DEUP1: variants seen among roughly 807,000 people sequenced by gnomAD.
DEUP1 encodes the protein deuterosome assembly protein 1.
Under a neutral mutation model 87.4 loss-of-function variants are expected in DEUP1, and 82 were observed. The observed-to-expected ratio is 0.94, with a 90% CI of 0.78 to 1.13. The LOEUF (loss-of-function observed/expected upper bound fraction) is 1.13. Ranked by LOEUF, DEUP1 falls within the 50% of genes most tolerant of loss-of-function variation. The pLI, the probability that DEUP1 is intolerant of heterozygous loss-of-function variation, is 0.00. For synonymous variants in DEUP1, 214 were observed against 222.7 expected (o/e 0.96, Z 0.35); for missense variants, 663 against 681.5 (o/e 0.97, Z 0.30).
At chr11:93,378,950 C>G (rs1042985225) in intron 7 of DEUP1, among the ~76,000 whole-genome samples, 5 of 148,048 alleles carry the variant, frequency 3.4e-5, no homozygotes, top group African/African-American at 1.3e-4. Context: ...CCTGCTTTTT[C>G]TCTTCTTTAA....
intron 11 of DEUP1, among the ~76,000 whole-genome samples, 153 bp from the exon 12 acceptor site, chr11:93,408,078 G>C (rs909934437): frequency 6.6e-6 from 1 of 151,992 alleles, no homozygotes; most frequent in Non-Finnish European, 1.5e-5. Flanking sequence ...AGGTGAGGGG[G>C]TGGAAAGGAG....
intron 12 of DEUP1, among the ~76,000 whole-genome samples, chr11:93,410,509 T>C (rs1031941160): frequency 1.3e-5 from 2 of 152,150 alleles, no homozygotes; most frequent in Admixed American, 6.6e-5. Flanking sequence ...AAATTATGAC[T>C]CCCATGTACT....
At chr11:93,368,293 AC>A (rs1945523009) in intron 5 of DEUP1, among the ~76,000 whole-genome samples, 1 of 152,224 alleles carries the variant, frequency 6.6e-6, no homozygotes, top group Non-Finnish European at 1.5e-5. Context: ...GGTGGCATAA[AC>A]AACAGACATT....
intron 12 of DEUP1, among the ~76,000 whole-genome samples, chr11:93,409,071 G>A (rs1010974252): frequency 2.6e-5 from 4 of 152,082 alleles, no homozygotes; most frequent in Admixed American, 6.6e-5. Context: ...TGGCCAGGCT[G>A]GTCTCTAACT....
chr11:93,398,813 C>T (rs191996045), intron 11 of DEUP1, among the ~76,000 whole-genome samples: 4 of 151,722 alleles, frequency 2.6e-5, no homozygotes, highest in East Asian at 1.9e-4. Context: ...CTCCACCTCC[C>T]GGGTTCAAGC....
upstream of DEUP1, among the ~76,000 whole-genome samples, chr11:93,330,425 G>A (rs572252934): frequency 6.6e-6 from 1 of 152,334 alleles, no homozygotes; most frequent in East Asian, 1.9e-4. Context: ...AATAGAGGGG[G>A]CACTGGACGT....
chr11:93,368,442 AG>A (rs1337053530), intron 5 of DEUP1, among the ~76,000 whole-genome samples: 1 of 152,236 alleles, frequency 6.6e-6, no homozygotes, highest in East Asian at 1.9e-4. Context: ...ACAGTTCCAC[AG>A]GTTGTACAGG....
At chr11:93,397,623 G>T (rs1372399641) in intron 11 of DEUP1, among the ~76,000 whole-genome samples, 1 of 151,972 alleles carries the variant, frequency 6.6e-6, no homozygotes, top group Non-Finnish European at 1.5e-5. Context: ...GTGTTTTTAA[G>T]AAATAGCAGA....
chr11:93,435,545 T>A (rs570939697), intron 13 of DEUP1, among the ~76,000 whole-genome samples: 135 of 152,302 alleles, frequency 8.9e-4, no homozygotes, highest in African/African-American at 2.6e-3. Context: ...GCTTTCCCGA[T>A]GAAACTTGCC....
At chr11:93,362,515 C>T (rs1366899121) in intron 4 of DEUP1, among the ~76,000 whole-genome samples, 1 of 151,864 alleles carries the variant, frequency 6.6e-6, no homozygotes, top group Non-Finnish European at 1.5e-5. Flanking sequence ...TATCCATTCA[C>T]ATCCACTAGG....
chr11:93,356,913 A>C (rs1215160493), intron 3 of DEUP1, 35 bp from the exon 4 acceptor site: 1 of 1,434,164 alleles, frequency 7.0e-7, no homozygotes, highest in Admixed American at 2.1e-5. Flanking sequence ...GGCAAAATTT[A>C]GAAAAAGCAA....
At position 93,419,544 on chromosome 11, in the gene DEUP1, T is replaced by G. The variant is rs1947792776; in HGVS notation, c.1638+4430T>G. The stretch of plus-strand genomic sequence containing the variant: ...TTGAAATGGGTCAAACCACCTAGTT[T>G]TATTTTCTAGGCACCACCAACTATG... On this transcript the variant is annotated intron_variant, in intron 13 of 13. Transcript: ENST00000298050. Among the ~76,000 whole-genome samples, 4 of 152,130 alleles carry G rather than the reference T, an allele frequency of 2.6e-5. No individual in the cohort carries two copies. In the South Asian group the frequency reaches 8.3e-4, roughly 32 times the overall value.
chr11:93,381,430 T>C (rs1164027592), intron 7 of DEUP1, among the ~76,000 whole-genome samples: 2 of 152,220 alleles, frequency 1.3e-5, no homozygotes, highest in Non-Finnish European at 2.9e-5. Flanking sequence ...ATTTCTTATA[T>C]GTAAAATTCT....
intron 13 of DEUP1, 85 bp downstream of exon 13, chr11:93,415,199 G>A: frequency 1.2e-6 from 1 of 819,286 alleles, no homozygotes. Context: ...GACGTACATA[G>A]TAGTTCGTTT....
chr11:93,334,113 T>A (rs2134870751), intron 2 of DEUP1, among the ~76,000 whole-genome samples: 1 of 152,322 alleles, frequency 6.6e-6, no homozygotes, highest in Middle Eastern at 3.4e-3. Flanking sequence ...CCTGAGGTAC[T>A]GTTCCACTCA....
At chr11:93,434,789 C>G (rs1331358293) in intron 13 of DEUP1, among the ~76,000 whole-genome samples, 1 of 152,124 alleles carries the variant, frequency 6.6e-6, no homozygotes, top group Non-Finnish European at 1.5e-5. Flanking sequence ...CCCTTTTGTT[C>G]CCAGATCCAT....
At chr11:93,376,377 A>C (rs1426413593) in intron 7 of DEUP1, among the ~76,000 whole-genome samples, 1 of 152,142 alleles carries the variant, frequency 6.6e-6, no homozygotes, top group Non-Finnish European at 1.5e-5. Context: ...GGAATTTGTC[A>C]TCTTTTCTAA....
chr11:93,384,613 C>T (rs1401140231), intron 7 of DEUP1, among the ~76,000 whole-genome samples: 4 of 152,210 alleles, frequency 2.6e-5, no homozygotes, highest in Non-Finnish European at 5.9e-5. Context: ...CAGTTACTGA[C>T]TAAAGAATAG....
At position 93,353,443 on chromosome 11, in the gene DEUP1, G is replaced by A. The variant is rs147976927; in HGVS notation, c.30-1928G>A. 8.8e-3 allele frequency among the ~76,000 whole-genome samples: 1,347 copies of A among 152,240 alleles called. 18 individuals carry two copies. Among genetic ancestry groups the A allele is most frequent in the African/African-American group, 0.031 (1,295 of 41,544 alleles). On this transcript the variant is annotated intron_variant, in intron 2 of 13. Coordinates refer to ENST00000298050, the MANE Select transcript of DEUP1 (RefSeq NM_181645.4). ...CACAGTGCAAGTTGTTGGATCTACC[G>A]TTCTGGGGTCTGGAGGACAGTGGCC...
Sources: gnomAD v4.1 joint callset for allele counts (sites outside exome capture counted in the v4.1 genomes callset) on GRCh38, gnomAD v4.1.1 for gene constraint, MANE v1.5 for transcripts, NCBI Gene and HGNC (gene_info 2026-07-23, HGNC 2026-07-21) for gene names.